Variants in IPO5 observed in about 807,000 individuals in gnomAD.
The protein encoded by IPO5 is importin 5.
Under a neutral mutation model 143.3 loss-of-function variants are expected in IPO5, and 18 were observed. That is an observed-to-expected ratio of 0.13 (90% CI 0.09 to 0.19). The LOEUF (loss-of-function observed/expected upper bound fraction) is 0.19, where lower values mean the gene tolerates loss of function less well. Ranked by LOEUF, IPO5 falls within the 10% of genes least tolerant of loss-of-function variation. The probability of loss-of-function intolerance (pLI) is 1.00; values close to 1 mark genes in which losing one functional copy is unlikely to be tolerated. For missense variants in IPO5, 1,013 were observed against 1,336.9 expected (o/e 0.76, Z 3.78); for synonymous variants, 477 against 465.7 (o/e 1.02, Z -0.31).
At chr13:97,953,854 G>T (rs752836616) in intron 1 of IPO5, 138 bp downstream of exon 1, 1 of 451,582 alleles carries the variant, frequency 2.2e-6, no homozygotes, top group East Asian at 7.0e-5. Context: ...GTCTCCTGAC[G>T]TCACCACAGT....
intron 4 of IPO5, chr13:97,979,739 C>G: frequency 5.4e-6 from 2 of 372,200 alleles, no homozygotes; most frequent in East Asian, 7.3e-5. Flanking sequence ...GCTGTGTTGC[C>G]CAGGCTGGTC....
At chr13:97,979,851 G>A in intron 4 of IPO5, 3 of 456,234 alleles carry the variant, frequency 6.6e-6, no homozygotes, top group Non-Finnish European at 8.8e-6. Flanking sequence ...AATAGACAGA[G>A]GATAACATTG....
At chr13:98,008,240 C>T (rs1366958249) in intron 18 of IPO5, 98 bp downstream of exon 18, 1 of 700,998 alleles carries the variant, frequency 1.4e-6, no homozygotes, top group Non-Finnish European at 2.5e-6. Flanking sequence ...GGTTTCTTGA[C>T]ATACTATCAA....
chr13:98,021,628 C>A (rs961985587), intron 28 of IPO5, 108 bp from the exon 29 acceptor site: 13 of 515,002 alleles, frequency 2.5e-5, no homozygotes, highest in Non-Finnish European at 3.7e-5. Context: ...AAATAATGTA[C>A]CTAGGGAGAA....
chr13:97,998,651 T>G (rs1888502216), intron 12 of IPO5, among the ~76,000 whole-genome samples: 1 of 152,186 alleles, frequency 6.6e-6, no homozygotes, highest in Non-Finnish European at 1.5e-5. Flanking sequence ...TACATGTATG[T>G]GAAACATAGC....
intron 4 of IPO5, among the ~76,000 whole-genome samples, chr13:97,977,954 CTT>C (rs888574404): frequency 3.3e-5 from 5 of 152,148 alleles, no homozygotes; most frequent in African/African-American, 1.2e-4. Context: ...GGCCTGAAGA[CTT>C]TTCCAGGTGT....
chr13:98,022,825 G>A lies in IPO5; in HGVS notation c.*1003G>A, dbSNP rs959491642. 2.6e-5 allele frequency: 4 copies of A among 152,544 alleles called. No individual in the cohort carries two copies. Among genetic ancestry groups the A allele is most frequent in the African/African-American group, 9.7e-5 (4 of 41,448 alleles). 9.4% of individuals were successfully genotyped at this position (152,544 alleles called of 1,614,324 possible). A position where few individuals can be genotyped will look rare whatever the true frequency, so the allele number is the denominator to read the frequency against. On this transcript the variant is annotated 3_prime_UTR_variant, in exon 29 of 29. Coordinates refer to ENST00000651721, the MANE Select transcript of IPO5 (RefSeq NM_002271.6). ...TGCTGTAGAGCCACACACAACTTTT[G>A]AACTTTTAATTATAAGTGTTATGGC...
rs776359757 is a variant in IPO5, at chr13:98,002,559, G to A, written c.1201G>A (p.Val401Ile). ...AATGGAAGGAATTCTAAATGAGATC[G>A]TAAATTTTGTTTTACTTTTTCTCCA... Reference protein sequence around the residue: ...QQMEGILNEIVNFVLLFLQDP... With the variant: ...QQMEGILNEIINFVLLFLQDP... Residue 401 changes from valine to isoleucine, a missense_variant, in exon 14 of 29, where the codon GTA becomes ATA. Transcript: ENST00000651721. 2.9e-5 allele frequency: 47 copies of A among 1,613,664 alleles called. 1 individual carries two copies. The South Asian group carries it at 3.3e-4, about 11-fold the overall frequency.
At chr13:97,969,171 A>AT (rs1566454683) in intron 2 of IPO5, among the ~76,000 whole-genome samples, 28 of 71,218 alleles carry the variant, frequency 3.9e-4, no homozygotes, top group African/African-American at 1.4e-3. Flanking sequence ...ATATATATAT[A>AT]TATATTTTTT....
intron 2 of IPO5, among the ~76,000 whole-genome samples, chr13:97,969,175 ATTTTTTTTTTTTT>A (rs60300496): frequency 1.0e-3 from 45 of 43,902 alleles, no homozygotes; most frequent in African/African-American, 3.1e-3. Flanking sequence ...ATATATATAT[ATTTTTTTTTTTTT>A]TTTTTTTTTT....
chr13:97,954,949 C>G (rs183625480), intron 2 of IPO5, among the ~76,000 whole-genome samples: 1 of 152,046 alleles, frequency 6.6e-6, no homozygotes, highest in Non-Finnish European at 1.5e-5. Context: ...AAATACCGGC[C>G]GGGCACAGTG....
intron 2 of IPO5, among the ~76,000 whole-genome samples, chr13:97,955,028 G>C (rs528841187): frequency 1.3e-5 from 2 of 152,158 alleles, no homozygotes; most frequent in East Asian, 3.9e-4. Context: ...AGGAGTTTAA[G>C]GTCAGCCTAG....
intron 22 of IPO5, 78 bp downstream of exon 22, chr13:98,014,292 A>G: frequency 9.1e-7 from 1 of 1,102,570 alleles, no homozygotes; most frequent in Non-Finnish European, 1.3e-6. Flanking sequence ...AAAAAAAAAA[A>G]TTTGAGACAG....
chr13:98,002,835 A>T (rs1270644429), intron 15 of IPO5, 29 bp from the exon 16 acceptor site: 1 of 1,602,278 alleles, frequency 6.2e-7, no homozygotes, highest in South Asian at 1.1e-5. Context: ...ACATTTCAAC[A>T]TGTGTGCCCA....
Position 98,015,715 on chromosome 13 carries a change from G to A in IPO5, c.2438-11G>A, listed in dbSNP as rs188444132. The A allele has an allele frequency of 1.3e-4, 201 of 1,604,570 alleles. No individual in the cohort carries two copies. The Middle Eastern group carries it at 1.8e-3, about 15-fold the overall frequency. ...GCAATCATTTAAAACATTTATTTGG[G>A]TGTGTTTTAGTTAAAAGACAAGATG... On this transcript the variant is annotated splice_polypyrimidine_tract_variant and intron_variant, in intron 23 of 28. Coordinates refer to ENST00000651721, the MANE Select transcript of IPO5 (RefSeq NM_002271.6).
rs756082693 is a variant in IPO5, at chr13:97,985,579, T to C, written c.330T>C (p.Cys110=). 5.6e-6 allele frequency: 9 copies of C among 1,613,650 alleles called. No individual in the cohort carries two copies. Among genetic ancestry groups the C allele is most frequent in the South Asian group, 3.3e-5 (3 of 91,068 alleles). Residue 110 remains cysteine (C), a synonymous_variant, in exon 6 of 29, where the codon TGT becomes TGC. Coordinates refer to ENST00000651721, the MANE Select transcript of IPO5 (RefSeq NM_002271.6). ...AATCTAGCATGAGGAAAAAAGTTTG[T>C]GATATTGCGGCAGAACTGGCCAGGA... ...ETQSSMRKKV[C]DIAAELARNL... is the part of the protein sequence containing the mutation.
At chr13:98,008,883 C>T (rs555589215) in intron 18 of IPO5, among the ~76,000 whole-genome samples, 1 of 152,142 alleles carries the variant, frequency 6.6e-6, no homozygotes, top group African/African-American at 2.4e-5. Flanking sequence ...CTTTACATTG[C>T]CACACTGTAA....
chr13:97,959,384 G>C (rs1884692917), intron 2 of IPO5, among the ~76,000 whole-genome samples: 1 of 151,752 alleles, frequency 6.6e-6, no homozygotes, highest in Non-Finnish European at 1.5e-5. Flanking sequence ...CTGCTTGAGA[G>C]AGCCTCCTCC....
chr13:97,966,897 G>A (rs1182882708), intron 2 of IPO5, among the ~76,000 whole-genome samples: 4 of 152,146 alleles, frequency 2.6e-5, no homozygotes, highest in African/African-American at 7.2e-5. Context: ...TTAGCCGGGT[G>A]TGGTGGTGTG....
Sources: gnomAD v4.1 joint callset for allele counts (sites outside exome capture counted in the v4.1 genomes callset) on GRCh38, gnomAD v4.1.1 for gene constraint, MANE v1.5 for transcripts, NCBI Gene and HGNC (gene_info 2026-07-23, HGNC 2026-07-21) for gene names.